Variants in MIDEAS observed in about 807,000 individuals in gnomAD.
MIDEAS encodes mitotic deacetylase associated SANT domain protein, also known as mitotic deacetylase-associated SANT domain protein.
A neutral mutation model predicts 102.7 loss-of-function variants in MIDEAS; 26 were observed. The ratio of observed to expected loss-of-function variants is 0.25; its 90% confidence interval spans 0.19 to 0.35. The LOEUF (loss-of-function observed/expected upper bound fraction) is 0.35, where lower values mean the gene tolerates loss of function less well. Among genes scored for constraint, MIDEAS ranks in the 10% least tolerant of loss-of-function variants. MIDEAS has a pLI of 1.00. For synonymous variants in MIDEAS, 585 were observed against 591.0 expected (o/e 0.99, Z 0.15); for missense variants, 1,231 against 1,435.6 (o/e 0.86, Z 2.30).
chr14:73,769,910 T>TG (rs1037002381), intron 1 of MIDEAS, among the ~76,000 whole-genome samples: 104 of 137,308 alleles, frequency 7.6e-4, no homozygotes, highest in Admixed American at 1.8e-3. Flanking sequence ...GGGTTTTTTT[T>TG]TTTGTTTTTT....
rs2053237950 is a variant in MIDEAS, at chr14:73,738,735, G to C, written c.1274C>G (p.Ala425Gly). The C allele has an allele frequency of 1.9e-6, 3 of 1,612,448 alleles. No individual in the cohort carries two copies. The highest frequency in any genetic ancestry group is 2.5e-6 in the Non-Finnish European group (3 of 1,179,326). The change falls in exon 2 of 13, where the codon GCT becomes GGT. Residue 425 changes from alanine to glycine, a missense_variant. Ala to Gly is a moderately conservative substitution (Grantham distance 60). Transcript: ENST00000423556. Reference protein sequence around the residue: ...RLAPNGREREAPAMGSEEGMR... With the variant: ...RLAPNGREREGPAMGSEEGMR... ...GCCCTCCTCGCTGCCCATGGCAGGA[G>C]CCTCTCGCTCCCGGCCATTGGGTGC...
intron 3 of MIDEAS, among the ~76,000 whole-genome samples, chr14:73,732,997 C>A (rs2053158932): frequency 6.6e-6 from 1 of 151,818 alleles, no homozygotes; most frequent in Admixed American, 6.6e-5. Context: ...GAGGCTGAGG[C>A]AGGAGAATTG....
chr14:73,729,316 TG>T (rs1332209632), intron 4 of MIDEAS: 1 of 255,760 alleles, frequency 3.9e-6, no homozygotes, highest in Non-Finnish European at 7.5e-6. Flanking sequence ...AGTTGAATAT[TG>T]GCAGTTTCAT....
Position 73,742,549 on chromosome 14 carries a change from A to G in MIDEAS, c.-247-2294T>C, listed in dbSNP as rs1021351811. On this transcript the variant is annotated intron_variant, in intron 1 of 12. Coordinates refer to ENST00000423556, the MANE Select transcript of MIDEAS (RefSeq NM_001367710.1). This position sits in a 1 kb window ranked among gnomAD's most constrained non-coding sequence, Gnocchi z 4.4. ...GGTCAGCCCTGGAGGAGCTGAGCTC[A>G]GCTGGGAAGCCTCCCACTCCCACCC... 3.9e-5 allele frequency among the ~76,000 whole-genome samples: 6 copies of G among 152,238 alleles called. No individual in the cohort carries two copies. The highest frequency in any genetic ancestry group is 6.5e-5 in the Admixed American group (1 of 15,284).
intron 1 of MIDEAS, among the ~76,000 whole-genome samples, chr14:73,746,825 C>CTT (rs2053358628): frequency 6.6e-6 from 1 of 152,234 alleles, no homozygotes; most frequent in East Asian, 1.9e-4. Flanking sequence ...CCTGCTGACC[C>CTT]TTCATCTGCT....
At chr14:73,773,295 A>G (rs921452901) in intron 1 of MIDEAS, among the ~76,000 whole-genome samples, 2 of 151,918 alleles carry the variant, frequency 1.3e-5, no homozygotes, top group Admixed American at 6.6e-5. Context: ...TATTCGGAAT[A>G]CGTACCCTAT....
In MIDEAS at chr14:73,721,278, C is replaced by G. The variant is rs770482156; in HGVS notation, c.2937+19G>C. On this transcript the variant is annotated intron_variant, in intron 11 of 12. Coordinates refer to ENST00000423556, the MANE Select transcript of MIDEAS (RefSeq NM_001367710.1). ...CCACCCTGCTTGCCCTGGGCTCAGC[C>G]CATGGTGGTCACACTCACCGACTCA... 3 of 1,610,182 alleles carry G rather than the reference C, an allele frequency of 1.9e-6. No individual in the cohort carries two copies. The highest frequency in any genetic ancestry group is 2.5e-6 in the Non-Finnish European group (3 of 1,179,526).
chr14:73,739,069 TG>T lies in MIDEAS; in HGVS notation c.939del (p.Asn314ThrfsTer4), dbSNP rs762448666. The stretch of plus-strand genomic sequence containing the variant: ...CGCAGTTCTGGGTTCATATCTGGGT[TG>T]GGGGGGAAGGGGTAGGGTGCCATGC... ...HHSMAPYPFP[P>X]NPDMNPELRK... On this transcript the variant is annotated frameshift_variant, in exon 2 of 13. Coordinates refer to ENST00000423556, the MANE Select transcript of MIDEAS (RefSeq NM_001367710.1). LOFTEE classifies it high-confidence loss of function. 4 of 1,568,476 alleles carry T rather than the reference TG, an allele frequency of 2.6e-6. No homozygotes were observed. Among genetic ancestry groups the T allele is most frequent in the Non-Finnish European group, 3.5e-6 (4 of 1,153,470 alleles).
rs1000052823 is a variant in MIDEAS, at chr14:73,718,037, G to C, written c.*806C>G. 8 of 152,502 alleles carry C rather than the reference G, an allele frequency of 5.2e-5. No homozygotes were observed. The highest frequency in any genetic ancestry group is 2.6e-4 in the Admixed American group (4 of 15,284). 9.4% of individuals were successfully genotyped at this position (152,502 alleles called of 1,614,324 possible). A position where few individuals can be genotyped will look rare whatever the true frequency, so the allele number is the denominator to read the frequency against. On this transcript the variant is annotated 3_prime_UTR_variant, in exon 13 of 13. Transcript: ENST00000423556. ...TATTCAGCCAAAAAGGTGGGAAGCA[G>C]GAAGAGCCAGGCTTGTCAAAAGCTC...
Position 73,743,533 on chromosome 14 carries a change from TC to T in MIDEAS, c.-247-3279del, listed in dbSNP as rs569318434. ...CTCCAGCTCTCAGACCCCATGGGCTTCTCCCAGCCTGCAACTCGGGGTCAGG... is the reference window on the plus strand; with the variant it reads ...CTCCAGCTCTCAGACCCCATGGGCTTTCCCAGCCTGCAACTCGGGGTCAGG... On this transcript the variant is annotated intron_variant, in intron 1 of 12. Coordinates refer to ENST00000423556, the MANE Select transcript of MIDEAS (RefSeq NM_001367710.1). Among the ~76,000 whole-genome samples, 53 of 152,122 alleles carry T rather than the reference TC, an allele frequency of 3.5e-4. 2 individuals are homozygous for T. The South Asian group carries it at 0.01, about 30-fold the overall frequency.
intron 10 of MIDEAS, 151 bp downstream of exon 10, chr14:73,722,547 C>T (rs974845497): frequency 1.4e-5 from 11 of 787,142 alleles, no homozygotes; most frequent in Admixed American, 1.1e-4. Context: ...GAGAACCCAG[C>T]GGTCCAGGGC....
intron 1 of MIDEAS, among the ~76,000 whole-genome samples, chr14:73,751,033 T>C (rs2053412866): frequency 6.6e-6 from 1 of 152,252 alleles, no homozygotes; most frequent in Admixed American, 6.5e-5. Context: ...ATTATTTTTG[T>C]AGAGATGGAG....
intron 1 of MIDEAS, among the ~76,000 whole-genome samples, chr14:73,778,410 A>G (rs2053711942): frequency 6.6e-6 from 1 of 151,680 alleles, no homozygotes; most frequent in Admixed American, 6.6e-5. Flanking sequence ...TTGTGGTTAC[A>G]GCTACTTTTC....
chr14:73,720,236 CTTTTTT>C (rs33980532), intron 11 of MIDEAS, among the ~76,000 whole-genome samples: 9 of 116,766 alleles, frequency 7.7e-5, no homozygotes, highest in African/African-American at 1.9e-4. Flanking sequence ...ACACACATTC[CTTTTTT>C]TTTTTTTTTT....
chr14:73,739,818 A>G lies in MIDEAS; in HGVS notation c.191T>C (p.Leu64Pro). Residue 64 changes from leucine to proline, a missense_variant, in exon 2 of 13, where the codon CTG becomes CCG. Around this residue, in one of 5 missense-constraint regions of MIDEAS, gnomAD observed 758 missense variants for 856.0 expected, o/e 0.89. Coordinates refer to ENST00000423556, the MANE Select transcript of MIDEAS (RefSeq NM_001367710.1). ...GAVSTSQPVE[L>P]PPPSSLALLN... ...CAGGGCCAGGCTGCTAGGAGGGGGC[A>G]GTTCCACAGGCTGAGAGGTGGAGAC... 6.2e-7 allele frequency: 1 copy of G among 1,612,396 alleles called. No homozygotes were observed. Among genetic ancestry groups the G allele is most frequent in the South Asian group, 1.1e-5 (1 of 90,984 alleles).
At chr14:73,731,001 C>T (rs1365905822) in intron 3 of MIDEAS, among the ~76,000 whole-genome samples, 2 of 152,186 alleles carry the variant, frequency 1.3e-5, no homozygotes, top group African/African-American at 4.8e-5. Flanking sequence ...ATGGACAGTC[C>T]TTGTCCTTGC....
chr14:73,729,720 T>A lies in MIDEAS; in HGVS notation c.2015A>T (p.Asn672Ile). 1 of 1,613,974 alleles carries A rather than the reference T, an allele frequency of 6.2e-7. No homozygotes were observed. Among genetic ancestry groups the A allele is most frequent in the Non-Finnish European group, 8.5e-7 (1 of 1,180,020 alleles). ...GATGGTGCTGGTTGATATGATGGCA[T>A]TGAAGTAGAGGCCAGAGCCTTCCCG... is the stretch of plus-strand genomic sequence containing the variant. ...PVREGSGLYFNAIISTSTIPA... is the reference protein window; with the variant it reads ...PVREGSGLYFIAIISTSTIPA... The change falls in exon 4 of 13, where the codon AAT becomes ATT. Residue 672 changes from asparagine (N) to isoleucine (I), a missense_variant. Asn to Ile is a moderately radical substitution (Grantham distance 149). Transcript: ENST00000423556.
At position 73,759,773 on chromosome 14, in the gene MIDEAS, C is replaced by CCCGGGCT. The variant is rs1038874132; in HGVS notation, c.-265_-259dup. 1 of 151,768 alleles carries CCCGGGCT rather than the reference C, an allele frequency of 6.6e-6. No individual in the cohort carries two copies. The highest frequency in any genetic ancestry group is 6.6e-5 in the Admixed American group (1 of 15,264). The allele number at this position is 151,768 out of a possible 1,614,324, so 9.4% of individuals were successfully genotyped here. A position where few individuals can be genotyped will look rare whatever the true frequency, so the allele number is the denominator to read the frequency against. The stretch of plus-strand genomic sequence containing the variant: ...GGCAGCCCCACTTACCCAGCTCTTG[C>CCCGGGCT]CCGGGCTCCGGGCTCCGGGCTCGGC... On this transcript the variant is annotated 5_prime_UTR_variant, in exon 1 of 13. It introduces an in-frame stop codon into an upstream open reading frame of the 5' UTR. Coordinates refer to ENST00000423556, the MANE Select transcript of MIDEAS (RefSeq NM_001367710.1). The surrounding 1 kb of genome is among the most constrained non-coding windows in gnomAD (Gnocchi z 6.7).
intron 1 of MIDEAS, among the ~76,000 whole-genome samples, chr14:73,774,076 G>A (rs1235953970): frequency 1.1e-4 from 17 of 151,204 alleles, no homozygotes; most frequent in Admixed American, 2.0e-4. Flanking sequence ...CAGCCATGGC[G>A]AGAAAGCCAC....
Sources: gnomAD v4.1 joint callset for allele counts (sites outside exome capture counted in the v4.1 genomes callset) on GRCh38, gnomAD v4.1.1 for gene constraint, gnomAD v4.1.1 regional missense constraint, Gnocchi (gnomAD v3.1) non-coding constraint, MANE v1.5 for transcripts, NCBI Gene and HGNC (gene_info 2026-07-23, HGNC 2026-07-21) for gene names.